Variants in GDA observed in about 807,000 individuals in gnomAD.
The protein encoded by GDA is cytoplasmic PSD-95 interactor.
Under a neutral mutation model 59.6 loss-of-function variants are expected in GDA, and 18 were observed. The observed-to-expected ratio is 0.30, with a 90% CI of 0.21 to 0.45. GDA has a LOEUF of 0.45. GDA is among the 20% of genes least tolerant of loss of function. GDA has a pLI of 1.00. For missense variants in GDA, 427 were observed against 552.3 expected, an observed-to-expected ratio of 0.77 and a Z score of 2.27; for synonymous variants, 201 against 201.1, an observed-to-expected ratio of 1.00 and a Z score of 0.00.
intron 1 of GDA, among the ~76,000 whole-genome samples, chr9:72,133,287 TAA>T (rs1257876460): frequency 2.1e-3 from 201 of 95,520 alleles, no homozygotes; most frequent in African/African-American, 8.2e-3. Flanking sequence ...AGACTCTGTC[TAA>T]AAAAAAAAAA....
chr9:72,253,765 T>C (rs1368491893), downstream of GDA, among the ~76,000 whole-genome samples: 1 of 152,172 alleles, frequency 6.6e-6, no homozygotes, highest in African/African-American at 2.4e-5. Flanking sequence ...TTGCACATTG[T>C]AGACACTGGG....
chr9:72,149,496 C>T lies in GDA; in HGVS notation c.-64C>T. 5 of 1,582,442 alleles carry T rather than the reference C, an allele frequency of 3.2e-6. No individual in the cohort carries two copies. Among genetic ancestry groups the T allele is most frequent in the Non-Finnish European group, 4.3e-6 (5 of 1,165,578 alleles). ...AGCCGCCCGCAGCTGCAGAGAGTCC[C>T]GCTGCGTCTCCGCCGCGTGCGCCCT... On this transcript the variant is annotated 5_prime_UTR_variant, in exon 1 of 14. Transcript: ENST00000358399.
chr9:72,147,493 C>G (rs1056391401), upstream of GDA, among the ~76,000 whole-genome samples: 1 of 152,192 alleles, frequency 6.6e-6, no homozygotes, highest in African/African-American at 2.4e-5. Context: ...CGTGAGCCAT[C>G]GTGCCCAGCC....
intron 1 of GDA, among the ~76,000 whole-genome samples, chr9:72,183,477 G>A (rs1193120183): frequency 6.6e-6 from 1 of 152,106 alleles, no homozygotes; most frequent in Non-Finnish European, 1.5e-5. Context: ...GGAAAGGAAA[G>A]GCACAAAGAA....
chr9:72,152,670 A>G (rs1233234534), intron 1 of GDA, among the ~76,000 whole-genome samples: 1 of 152,002 alleles, frequency 6.6e-6, no homozygotes, highest in East Asian at 1.9e-4. Context: ...GTTTGAGTTC[A>G]TTGTGGATTC....
chr9:72,195,501 T>C lies in GDA; in HGVS notation c.125T>C (p.Ile42Thr). 1 of 1,386,124 alleles carries C rather than the reference T, an allele frequency of 7.2e-7. No homozygotes were observed. The allele number at this position is 1,386,124 out of a possible 1,614,324, so 85.9% of individuals were successfully genotyped here. The change falls in exon 2 of 14, where the codon ATA (isoleucine) becomes ACA (threonine). Residue 42 changes from isoleucine (I) to threonine (T), a missense_variant and splice_region_variant. Physicochemically the swap from Ile to Thr is moderately conservative, Grantham distance 89. Transcript: ENST00000358399. Reference protein sequence around the residue: ...HLLGVSDSGKIVFLEEASQQE... With the variant: ...HLLGVSDSGKTVFLEEASQQE... Reference sequence around the variant, plus strand: ...TTCTTTTCTTTCTTTCTTTTAAAGATAGTGTTTTTAGAAGAAGCATCTCAA... The same window carrying C: ...TTCTTTTCTTTCTTTCTTTTAAAGACAGTGTTTTTAGAAGAAGCATCTCAA...
intron 1 of GDA, among the ~76,000 whole-genome samples, chr9:72,169,375 A>AT (rs577151366): frequency 6.8e-4 from 104 of 152,344 alleles, no homozygotes; most frequent in African/African-American, 2.4e-3. Context: ...GTGAAACCTA[A>AT]TGCCAAGTCT....
chr9:72,155,370 A>G (rs892805279), intron 1 of GDA, among the ~76,000 whole-genome samples: 3 of 152,154 alleles, frequency 2.0e-5, no homozygotes, highest in Admixed American at 6.5e-5. Context: ...TTCCTCCCAC[A>G]ACATGTGGGA....
chr9:72,149,322 C>T (rs1192826938), upstream of GDA: 2 of 537,046 alleles, frequency 3.7e-6, no homozygotes, highest in Admixed American at 3.6e-5. Flanking sequence ...AAGACCACAC[C>T]CCACGGGAGC....
At chr9:72,130,672 A>T (rs72741955) in intron 1 of GDA, among the ~76,000 whole-genome samples, 13,163 of 152,260 alleles carry the variant, frequency 0.086, 749 homozygotes, top group Non-Finnish European at 0.12. Flanking sequence ...GAGGTGGCTA[A>T]AGAGTTACAG....
intron 1 of GDA, among the ~76,000 whole-genome samples, chr9:72,177,162 G>A (rs1187958277): frequency 7.5e-6 from 1 of 133,482 alleles, no homozygotes; most frequent in Non-Finnish European, 1.5e-5. Context: ...GCAGTGGCAC[G>A]ATTGTTGCTC....
At chr9:72,223,642 C>A (rs1460131230) in intron 7 of GDA, among the ~76,000 whole-genome samples, 1 of 152,080 alleles carries the variant, frequency 6.6e-6, no homozygotes, top group Admixed American at 6.5e-5. Context: ...ATTTGAAAAG[C>A]AAAAAGAGCC....
At chr9:72,131,686 G>A (rs962429204) in intron 1 of GDA, among the ~76,000 whole-genome samples, 24 of 151,556 alleles carry the variant, frequency 1.6e-4, no homozygotes, top group African/African-American at 5.3e-4. Context: ...TCAATTCCAA[G>A]GCCTCTCTAC....
chr9:72,204,005 C>T (rs1425807204), intron 3 of GDA, among the ~76,000 whole-genome samples: 2 of 151,960 alleles, frequency 1.3e-5, no homozygotes, highest in Non-Finnish European at 2.9e-5. Context: ...TTAGTAGAGA[C>T]GGGGTTTCAC....
chr9:72,190,994 T>A (rs1390826522), intron 1 of GDA, among the ~76,000 whole-genome samples: 1 of 152,190 alleles, frequency 6.6e-6, no homozygotes, highest in Non-Finnish European at 1.5e-5. Flanking sequence ...TTAGGAATAA[T>A]TTTAACATAA....
At chr9:72,191,264 G>A (rs10122641) in intron 1 of GDA, among the ~76,000 whole-genome samples, 2,067 of 152,220 alleles carry the variant, frequency 0.014, 44 homozygotes, top group African/African-American at 0.047. Context: ...ACTGTGCTGC[G>A]TGCCTTGTTC....
intron 1 of GDA, among the ~76,000 whole-genome samples, chr9:72,177,997 G>A (rs544049419): frequency 6.6e-6 from 1 of 152,298 alleles, no homozygotes; most frequent in South Asian, 2.1e-4. Flanking sequence ...GTACTTTCAT[G>A]TTTCTTGACC....
chr9:72,178,673 C>T (rs977451255), intron 1 of GDA, among the ~76,000 whole-genome samples: 4 of 152,134 alleles, frequency 2.6e-5, no homozygotes, highest in African/African-American at 7.2e-5. Flanking sequence ...CCGCCTTGGC[C>T]TCCCAAAGTG....
In GDA at chr9:72,133,308, A is replaced by AAAAAT. The variant is rs767205305; in HGVS notation, c.-100+18477_-100+18478insAATAA. On this transcript the variant is annotated intron_variant, in intron 1 of 13. Transcript: ENST00000545168. The stretch of plus-strand genomic sequence containing the variant: ...TGTCTAAAAAAAAAAAAAAAAAAAA[A>AAAAAT]AATAATAATAATAATAATAATAATT... Among the ~76,000 whole-genome samples, 144 of 101,522 alleles carry AAAAAT rather than the reference A, an allele frequency of 1.4e-3. 5 individuals carry two copies. Among genetic ancestry groups the AAAAAT allele is most frequent in the Admixed American group, 3.3e-3 (24 of 7,178 alleles). The allele number at this position is 101,522 out of a possible 152,430, so 66.6% of individuals were successfully genotyped here. A position where few individuals can be genotyped will look rare whatever the true frequency, so the allele number is the denominator to read the frequency against.
Sources: gnomAD v4.1 joint callset for allele counts (sites outside exome capture counted in the v4.1 genomes callset) on GRCh38, gnomAD v4.1.1 for gene constraint, MANE v1.5 for transcripts, NCBI Gene and HGNC (gene_info 2026-07-23, HGNC 2026-07-21) for gene names.